CACNB2: variants seen among roughly 807,000 people sequenced by gnomAD.
CACNB2 encodes voltage-dependent L-type calcium channel subunit beta-2.
A neutral mutation model predicts 73.3 loss-of-function variants in CACNB2; 42 were observed. The observed-to-expected ratio is 0.57, with a 90% CI of 0.45 to 0.74. The LOEUF (loss-of-function observed/expected upper bound fraction) is 0.74, where lower values mean the gene tolerates loss of function less well. CACNB2 is among the 30% of genes least tolerant of loss of function. The pLI, the probability that CACNB2 is intolerant of heterozygous loss-of-function variation, is 0.00. For synonymous variants in CACNB2, 348 were observed against 310.3 expected (o/e 1.12, Z -1.28); for missense variants, 940 against 853.0 (o/e 1.10, Z -1.27).
At chr10:18,316,698 G>A (rs1454442397) in intron 2 of CACNB2, among the ~76,000 whole-genome samples, 2 of 152,134 alleles carry the variant, frequency 1.3e-5, no homozygotes, top group African/African-American at 2.4e-5. Flanking sequence ...CTGGGCTAAA[G>A]CAATCCACCC....
chr10:18,393,101 C>G (rs1185125092), intron 2 of CACNB2, among the ~76,000 whole-genome samples: 2 of 151,578 alleles, frequency 1.3e-5, no homozygotes, highest in East Asian at 3.9e-4. Flanking sequence ...CCCAACTACT[C>G]AGGAAGCTGA....
At chr10:18,403,965 ATAACT>A in intron 3 of CACNB2, among the ~76,000 whole-genome samples, 1 of 152,068 alleles carries the variant, frequency 6.6e-6, no homozygotes, top group Non-Finnish European at 1.5e-5. Context: ...ATATTTTTAA[ATAACT>A]TAAAGAATGT....
At chr10:18,338,081 C>T (rs551200638) in intron 2 of CACNB2, among the ~76,000 whole-genome samples, 12 of 152,212 alleles carry the variant, frequency 7.9e-5, no homozygotes, top group African/African-American at 2.9e-4. Flanking sequence ...TACACCAAAC[C>T]AAAAAGCTTT....
chr10:18,337,280 C>T (rs754686017), intron 2 of CACNB2, among the ~76,000 whole-genome samples: 76 of 152,036 alleles, frequency 5.0e-4, no homozygotes, highest in Non-Finnish European at 9.3e-4. Flanking sequence ...CGGACATGCA[C>T]CACTATGCCT....
intron 2 of CACNB2, among the ~76,000 whole-genome samples, chr10:18,289,482 G>C (rs1391563531): frequency 6.6e-6 from 1 of 151,802 alleles, no homozygotes; most frequent in East Asian, 1.9e-4. Flanking sequence ...TTTTAGTAGA[G>C]ATGGAGTTTC....
Position 18,506,684 on chromosome 10 carries a change from TGC to T in CACNB2, c.670+138_670+139del, listed in dbSNP as rs764531607. ...TGTTAAAAGGAATCAGAAGTGAGCA[TGC>T]CCTTTTGGAGTTACAAACAATATGG... On this transcript the variant is annotated intron_variant, in intron 6 of 13. Coordinates refer to ENST00000324631, the MANE Select transcript of CACNB2 (RefSeq NM_201596.3). 0.19 allele frequency: 134,258 copies of T among 698,660 alleles called. 14,044 individuals carry two copies. Among genetic ancestry groups the T allele is most frequent in the East Asian group, 0.35 (13,007 of 36,864 alleles). The allele number at this position is 698,660 out of a possible 1,614,324, so 43.3% of individuals were successfully genotyped here.
At chr10:18,527,777 A>G in intron 10 of CACNB2, 80 bp downstream of exon 10, 2 of 902,078 alleles carry the variant, frequency 2.2e-6, no homozygotes, top group South Asian at 2.7e-5. Context: ...CAAGATGATA[A>G]TTCCATGTGT....
chr10:18,517,713 G>T (rs902364819), intron 7 of CACNB2, among the ~76,000 whole-genome samples: 2 of 152,016 alleles, frequency 1.3e-5, no homozygotes, highest in Non-Finnish European at 2.9e-5. Flanking sequence ...CTGTGAGCAG[G>T]GATCATGATT....
intron 2 of CACNB2, among the ~76,000 whole-genome samples, chr10:18,392,328 A>G (rs1299806000): frequency 6.6e-6 from 1 of 152,194 alleles, no homozygotes; most frequent in Non-Finnish European, 1.5e-5. Flanking sequence ...GAAAATGAAG[A>G]GAGGACAGGG....
At chr10:18,351,484 G>A (rs1343809346) in intron 2 of CACNB2, among the ~76,000 whole-genome samples, 2 of 152,202 alleles carry the variant, frequency 1.3e-5, no homozygotes, top group African/African-American at 4.8e-5. Context: ...GTGAGATGAT[G>A]AACTGGAAAA....
intron 2 of CACNB2, among the ~76,000 whole-genome samples, chr10:18,300,078 A>G (rs2039447115): frequency 1.3e-5 from 2 of 151,482 alleles, no homozygotes; most frequent in South Asian, 2.1e-4. Context: ...CTGGAGTGCA[A>G]TGGCACTATC....
At chr10:18,519,845 C>A in intron 9 of CACNB2, 1 of 415,614 alleles carries the variant, frequency 2.4e-6, no homozygotes, top group Admixed American at 3.0e-5. Flanking sequence ...CTTCACATTG[C>A]TAAATCCAGG....
chr10:18,434,359 A>G (rs1176139757), intron 3 of CACNB2, among the ~76,000 whole-genome samples: 3 of 152,194 alleles, frequency 2.0e-5, no homozygotes, highest in East Asian at 1.9e-4. Flanking sequence ...GACTGAAGGA[A>G]TAAAGTCAGA....
rs2030279033 is a variant in CACNB2 at position 18,140,638 on chromosome 10, C to T, written c.-99C>T. On this transcript the variant is annotated 5_prime_UTR_variant, in exon 1 of 14. Transcript: ENST00000324631. The stretch of plus-strand genomic sequence containing the variant: ...AGAACGGCCGGGCCTGAGCCCTGGG[C>T]GGCCCCCAGAGCCGATCAGAGCGCG... 9 of 1,039,020 alleles carry T rather than the reference C, an allele frequency of 8.7e-6. No homozygotes were observed. The highest frequency in any genetic ancestry group is 5.9e-5 in the South Asian group (4 of 68,028). The allele number at this position is 1,039,020 out of a possible 1,614,324, so 64.4% of individuals were successfully genotyped here.
At chr10:18,194,006 G>C (rs1192200165) in intron 2 of CACNB2, among the ~76,000 whole-genome samples, 1 of 152,178 alleles carries the variant, frequency 6.6e-6, no homozygotes, top group African/African-American at 2.4e-5. Context: ...AGCTTCTGGA[G>C]TATTGGGTTG....
At chr10:18,240,451 G>A (rs1588810625) in intron 2 of CACNB2, among the ~76,000 whole-genome samples, 1 of 152,088 alleles carries the variant, frequency 6.6e-6, no homozygotes, top group East Asian at 1.9e-4. Flanking sequence ...TTGCCTGCAG[G>A]GAGATATTGA....
intron 3 of CACNB2, among the ~76,000 whole-genome samples, chr10:18,461,175 A>T (rs893544441): frequency 2.6e-5 from 4 of 152,108 alleles, no homozygotes; most frequent in Non-Finnish European, 5.9e-5. Context: ...CGGCCTCCCA[A>T]AGTGCTGGGA....
rs556298862 is a variant in CACNB2 at position 18,444,872 on chromosome 10, G to A, written c.333+42829G>A. On this transcript the variant is annotated intron_variant, in intron 3 of 13. Transcript: ENST00000324631. ...TAGAATTGTAAATTGAGGGAACAAAGTAATCAATGATATCATGAGAAGCAA... is the reference window on the plus strand; with the variant it reads ...TAGAATTGTAAATTGAGGGAACAAAATAATCAATGATATCATGAGAAGCAA... Among the ~76,000 whole-genome samples the A allele has an allele frequency of 2.0e-4, 30 of 152,310 alleles. No homozygotes were observed. In the South Asian group the frequency reaches 5.0e-3, roughly 25 times the overall value.
In CACNB2 at chr10:18,514,674, C is replaced by T. The variant is rs1423766427; in HGVS notation, c.804+305C>T. ...ATTGAGTTCATGCATTTCAAACCAA[C>T]TAAATTCAGGGAGTGACCTGTTAAA... On this transcript the variant is annotated intron_variant, in intron 7 of 13. Transcript: ENST00000324631. 1.1e-5 allele frequency: 11 copies of T among 971,674 alleles called. No homozygotes were observed. In the East Asian group the frequency reaches 2.2e-4, roughly 19 times the overall value. 60.2% of individuals were successfully genotyped at this position (971,674 alleles called of 1,614,324 possible).
Sources: gnomAD v4.1 joint callset for allele counts (sites outside exome capture counted in the v4.1 genomes callset) on GRCh38, gnomAD v4.1.1 for gene constraint, MANE v1.5 for transcripts, NCBI Gene and HGNC (gene_info 2026-07-23, HGNC 2026-07-21) for gene names.